Variants in DNM2 observed in about 807,000 individuals in gnomAD.
The protein encoded by DNM2 is dynamin 2, also known as dynamin-2.
Under a neutral mutation model 99.0 loss-of-function variants are expected in DNM2, and 15 were observed. That is an observed-to-expected ratio of 0.15 (90% confidence interval 0.10 to 0.23). DNM2 has a LOEUF of 0.23. Among genes scored for constraint, DNM2 ranks in the 10% least tolerant of loss-of-function variants. DNM2 has a pLI of 1.00. For missense variants in DNM2, 742 were observed against 1,189.4 expected (o/e 0.62, Z 5.53); for synonymous variants, 525 against 481.2 (o/e 1.09, Z -1.19).
rs933779792 is a variant in DNM2 at position 10,820,493 on chromosome 19, G to T, written c.1781+404G>T. Among the ~76,000 whole-genome samples, 2 of 152,256 alleles carry T rather than the reference G, an allele frequency of 1.3e-5. No individual in the cohort carries two copies. The highest frequency in any genetic ancestry group is 4.8e-5 in the African/African-American group (2 of 41,466). ...GCGATGATGGGGCCAGAACCCATAG[G>T]GAAGGAGGGTGCAGATTCTGGGTAG... On this transcript the variant is annotated intron_variant, in intron 16 of 20. Coordinates refer to ENST00000389253, the MANE Select transcript of DNM2 (RefSeq NM_001005361.3). The surrounding 1 kb of genome is among the most constrained non-coding windows in gnomAD (Gnocchi z 4.3).
In DNM2 at chr19:10,791,645, C is replaced by T. The variant is rs557541237; in HGVS notation, c.993-2075C>T. On this transcript the variant is annotated intron_variant, in intron 7 of 20. Coordinates refer to ENST00000389253, the MANE Select transcript of DNM2 (RefSeq NM_001005361.3). ...CCCAGGAGGCTGGTGCCCAGGTGTG[C>T]TTTGTCCCCTGTGGCTGAGAGCAGG... is the stretch of plus-strand genomic sequence containing the variant. Among the ~76,000 whole-genome samples the T allele has an allele frequency of 2.6e-5, 4 of 152,288 alleles. No individual in the cohort carries two copies. The South Asian group carries it at 8.3e-4, about 32-fold the overall frequency.
chr19:10,724,877 G>A (rs1599417426), intron 1 of DNM2, among the ~76,000 whole-genome samples: 1 of 152,336 alleles, frequency 6.6e-6, no homozygotes, highest in Middle Eastern at 3.4e-3. Flanking sequence ...CGGGGATGCT[G>A]GCGTTTCCAG....
intron 1 of DNM2, among the ~76,000 whole-genome samples, chr19:10,730,201 T>A (rs1222269921): frequency 2.0e-5 from 3 of 152,088 alleles, no homozygotes; most frequent in African/African-American, 7.2e-5. Flanking sequence ...AGCTAAAGGC[T>A]GGAAGTGGTG....
rs745553762 is a variant in DNM2, at chr19:10,733,965, G to A, written c.161+15562G>A. ...GGAGGCTGCAGTGAGCCGAGATCGCGCCACTGTACTTCAGCCTGGACAACA... is the reference window on the plus strand; with the variant it reads ...GGAGGCTGCAGTGAGCCGAGATCGCACCACTGTACTTCAGCCTGGACAACA... On this transcript the variant is annotated intron_variant, in intron 1 of 20. Transcript: ENST00000389253. Among the ~76,000 whole-genome samples the A allele has an allele frequency of 4.6e-5, 7 of 151,486 alleles. No homozygotes were observed. The East Asian group carries it at 1.2e-3, about 25-fold the overall frequency.
At chr19:10,783,693 A>ATTTTTTTTTTTT (rs1177838790) in intron 6 of DNM2, among the ~76,000 whole-genome samples, 2 of 131,980 alleles carry the variant, frequency 1.5e-5, no homozygotes, top group African/African-American at 5.2e-5. Context: ...TATTATTATT[A>ATTTTTTTTTTTT]TTATTATTAT....
At chr19:10,791,010 C>T (rs2071736739) in intron 7 of DNM2, among the ~76,000 whole-genome samples, 1 of 152,164 alleles carries the variant, frequency 6.6e-6, no homozygotes, top group African/African-American at 2.4e-5. Context: ...TCAAGCAAAC[C>T]GCCTGCCTGA....
In DNM2 at chr19:10,801,255, G is replaced by A. The variant is rs1457408093; in HGVS notation, c.1423-1033G>A. ...CAGGAGGCAGAGGTTGCAGTGAGCC[G>A]AGATTACGCCATTGCACGCCAGCCT... On this transcript the variant is annotated intron_variant, in intron 11 of 20. Transcript: ENST00000389253. 9.2e-5 allele frequency among the ~76,000 whole-genome samples: 14 copies of A among 151,686 alleles called. 1 individual carries two copies. The highest frequency in any genetic ancestry group is 2.1e-4 in the South Asian group (1 of 4,778).
At chr19:10,821,999 C>A (rs1165477812) in intron 16 of DNM2, among the ~76,000 whole-genome samples, 1 of 152,134 alleles carries the variant, frequency 6.6e-6, no homozygotes, top group African/African-American at 2.4e-5. Context: ...GACCACAAAC[C>A]CAACTCTCAC....
At chr19:10,805,871 C>T (rs367667133) in intron 12 of DNM2, 45 bp from the exon 13 acceptor site, 13 of 1,613,744 alleles carry the variant, frequency 8.1e-6, no homozygotes, top group Middle Eastern at 1.6e-4. Flanking sequence ...CTTCTTCCCC[C>T]CCGGCATCTT....
chr19:10,731,510 G>T (rs965098410), intron 1 of DNM2, among the ~76,000 whole-genome samples: 4 of 151,820 alleles, frequency 2.6e-5, no homozygotes, highest in Non-Finnish European at 4.4e-5. Context: ...GCACCACCAC[G>T]CCTGGCTAAT....
intron 1 of DNM2, among the ~76,000 whole-genome samples, chr19:10,745,213 G>A (rs929495695): frequency 2.6e-5 from 4 of 152,144 alleles, no homozygotes; most frequent in Non-Finnish European, 5.9e-5. Flanking sequence ...TTGACCTTCG[G>A]CACTGCAGCC....
chr19:10,806,345 C>A (rs1473647109), intron 13 of DNM2, among the ~76,000 whole-genome samples: 1 of 151,406 alleles, frequency 6.6e-6, no homozygotes, highest in Non-Finnish European at 1.5e-5. Flanking sequence ...CATAGAAAGA[C>A]TCTGTCTCTA....
At chr19:10,806,663 C>T (rs902544764) in intron 13 of DNM2, among the ~76,000 whole-genome samples, 1 of 152,068 alleles carries the variant, frequency 6.6e-6, no homozygotes, top group East Asian at 1.9e-4. Context: ...CGTGGTGGCA[C>T]GCGCCTGTAA....
Position 10,802,278 on chromosome 19 carries a change from T to C in DNM2, c.1423-10T>C, listed in dbSNP as rs1599583103. On this transcript the variant is annotated splice_polypyrimidine_tract_variant and intron_variant, in intron 11 of 20. Coordinates refer to ENST00000389253, the MANE Select transcript of DNM2 (RefSeq NM_001005361.3). Reference sequence around the variant, plus strand: ...GCCTTGTACTCACAGTGACCCCCGCTCTCCCCCAGATTCTTCTGCTGATCG... The same window carrying C: ...GCCTTGTACTCACAGTGACCCCCGCCCTCCCCCAGATTCTTCTGCTGATCG... 3.1e-6 allele frequency: 5 copies of C among 1,614,014 alleles called. No homozygotes were observed. The highest frequency in any genetic ancestry group is 4.2e-6 in the Non-Finnish European group (5 of 1,180,002).
chr19:10,825,059 A>G lies in DNM2; in HGVS notation c.1896A>G (p.Ala632=). The change falls in exon 18 of 21, where the codon GCA becomes GCG. Residue 632 remains alanine (A), a splice_region_variant and synonymous_variant. Transcript: ENST00000389253. The stretch of plus-strand genomic sequence containing the variant: ...AGCACCTCCCCTCCCGCTTGCAGGC[A>G]GAAAACGAGGATGGGGCCCAGGAGA... ...RAGVYPEKDQ[A]ENEDGAQENT... The G allele has an allele frequency of 6.2e-7, 1 of 1,614,102 alleles. No homozygotes were observed. Among genetic ancestry groups the G allele is most frequent in the South Asian group, 1.1e-5 (1 of 91,086 alleles).
At chr19:10,748,802 C>G in intron 1 of DNM2, among the ~76,000 whole-genome samples, 1 of 152,186 alleles carries the variant, frequency 6.6e-6, no homozygotes, top group Non-Finnish European at 1.5e-5. Flanking sequence ...CTGGGGTTGT[C>G]AGAGGATTTG....
chr19:10,785,329 G>A (rs1018088023), intron 6 of DNM2, among the ~76,000 whole-genome samples: 5 of 148,236 alleles, frequency 3.4e-5, no homozygotes, highest in African/African-American at 5.0e-5. Context: ...GGGTTTCACC[G>A]TGTTAGCTGG....
chr19:10,777,580 C>T (rs2071196275), intron 5 of DNM2, among the ~76,000 whole-genome samples: 1 of 152,028 alleles, frequency 6.6e-6, no homozygotes, highest in East Asian at 1.9e-4. Flanking sequence ...ATGAGCCTTC[C>T]CTTCCCTTTT....
At position 10,820,828 on chromosome 19, in the gene DNM2, C is replaced by T. The variant is rs1038174175; in HGVS notation, c.1781+739C>T. 6.6e-6 allele frequency among the ~76,000 whole-genome samples: 1 copy of T among 152,190 alleles called. No homozygotes were observed. Among genetic ancestry groups the T allele is most frequent in the Non-Finnish European group, 1.5e-5 (1 of 68,038 alleles). On this transcript the variant is annotated intron_variant, in intron 16 of 20. Coordinates refer to ENST00000389253, the MANE Select transcript of DNM2 (RefSeq NM_001005361.3). This position sits in a 1 kb window ranked among gnomAD's most constrained non-coding sequence, Gnocchi z 4.3. ...TTCAAGGAACGAAACCAGATGAGCT[C>T]CCAGGAGAGTGAAGCTGGAGAATGG... is the stretch of plus-strand genomic sequence containing the variant.
Sources: allele counts gnomAD v4.1 joint callset (sites outside exome capture counted in the v4.1 genomes callset), GRCh38; gene constraint gnomAD v4.1.1; non-coding constraint Gnocchi (gnomAD v3.1); transcripts MANE v1.5; gene names NCBI Gene and HGNC (gene_info 2026-07-23, HGNC 2026-07-21).